RP1: variants seen among roughly 807,000 people sequenced by gnomAD.
The protein encoded by RP1 is RP1 axonemal microtubule associated.
In RP1, 16 loss-of-function variants were observed where a neutral mutation model predicts 14.8. That is an observed-to-expected ratio of 1.08 (90% CI 0.73 to 1.65). The LOEUF (loss-of-function observed/expected upper bound fraction) is 1.65, where lower values mean the gene tolerates loss of function less well. Among genes scored for constraint, RP1 ranks in the 40% most tolerant of loss-of-function variants. The pLI is 0.00. For missense variants in RP1, 2,631 were observed against 2,535.0 expected, an observed-to-expected ratio of 1.04 and a Z score of -0.81; for synonymous variants, 876 against 883.6, an observed-to-expected ratio of 0.99 and a Z score of 0.15.
At chr8:54,870,238 C>G (rs1585763231) in exon 29 of RP1, 1 of 271,754 alleles carries the variant, frequency 3.7e-6, no homozygotes, top group African/African-American at 2.2e-5. Flanking sequence ...CTTCCCCTCC[C>G]TCCTCTCCCT....
intron 28 of RP1, chr8:54,869,840 C>A: frequency 1.7e-6 from 2 of 1,211,436 alleles, no homozygotes; most frequent in Non-Finnish European, 2.1e-6. Context: ...TTTTGCATGG[C>A]AGATGGCTAG....
intron 12 of RP1, among the ~76,000 whole-genome samples, chr8:54,692,985 A>G (rs982625845): frequency 6.6e-6 from 1 of 152,014 alleles, no homozygotes; most frequent in Non-Finnish European, 1.5e-5. Flanking sequence ...ATCTTGAATT[A>G]ATTTTTGTAT....
intron 12 of RP1, among the ~76,000 whole-genome samples, chr8:54,698,088 A>G (rs1448920947): frequency 6.6e-6 from 1 of 152,236 alleles, no homozygotes; most frequent in Non-Finnish European, 1.5e-5. Context: ...AGAAACTATC[A>G]TCAGAGTGAA....
chr8:54,734,628 A>G, exon 18 of RP1: 1 of 1,535,754 alleles, frequency 6.5e-7, no homozygotes. Flanking sequence ...AAATACAGGA[A>G]CTCAAGCCAA....
chr8:54,844,497 T>C (rs189935719), intron 25 of RP1, among the ~76,000 whole-genome samples: 3 of 151,742 alleles, frequency 2.0e-5, no homozygotes, highest in Non-Finnish European at 2.9e-5. Context: ...TGTGTAGACA[T>C]GCTTGTCTCT....
intron 15 of RP1, among the ~76,000 whole-genome samples, chr8:54,712,139 T>C (rs1237748011): frequency 6.6e-6 from 1 of 152,088 alleles, no homozygotes; most frequent in African/African-American, 2.4e-5. Flanking sequence ...GAGGTGACCT[T>C]TCCAGGTTTT....
chr8:54,575,601 C>T (rs1804623774), intron 1 of RP1, among the ~76,000 whole-genome samples: 1 of 152,104 alleles, frequency 6.6e-6, no homozygotes, highest in Non-Finnish European at 1.5e-5. Flanking sequence ...ATCGTCACCT[C>T]GTTTGCTATC....
chr8:54,737,443 A>G (rs1808960620), intron 18 of RP1, among the ~76,000 whole-genome samples: 2 of 152,186 alleles, frequency 1.3e-5, no homozygotes, highest in South Asian at 4.1e-4. Flanking sequence ...TTAAGTGCTA[A>G]TAGATTCTTG....
intron 25 of RP1, among the ~76,000 whole-genome samples, chr8:54,848,826 G>A (rs1811990613): frequency 6.6e-6 from 1 of 152,116 alleles, no homozygotes; most frequent in South Asian, 2.1e-4. Flanking sequence ...TCGGCTCACT[G>A]CAACCTCCAC....
At chr8:54,611,861 TTCCC>T (rs545025613), upstream of RP1, among the ~76,000 whole-genome samples, 97 of 150,842 alleles carry the variant, frequency 6.4e-4, no homozygotes, top group Middle Eastern at 3.4e-3. Flanking sequence ...GTTGTTTTCT[TTCCC>T]TCCCTCCCTC....
intron 1 of RP1, among the ~76,000 whole-genome samples, chr8:54,584,451 G>A (rs900166856): frequency 1.2e-4 from 19 of 152,198 alleles, no homozygotes; most frequent in African/African-American, 4.6e-4. Flanking sequence ...TAGGTGTGGT[G>A]TGGTGCTGAA....
intron 24 of RP1, among the ~76,000 whole-genome samples, chr8:54,793,667 G>A (rs1026904664): frequency 9.9e-5 from 15 of 151,810 alleles, no homozygotes; most frequent in Non-Finnish European, 1.9e-4. Flanking sequence ...TAATATAGAA[G>A]GAATGTATCC....
chr8:54,707,657 C>A (rs988078087), intron 15 of RP1, among the ~76,000 whole-genome samples: 3 of 152,160 alleles, frequency 2.0e-5, no homozygotes, highest in African/African-American at 7.2e-5. Context: ...TGATGTCTAG[C>A]TATAAGGAAG....
At chr8:54,650,417 C>A (rs553199616) in intron 4 of RP1, among the ~76,000 whole-genome samples, 14 of 152,088 alleles carry the variant, frequency 9.2e-5, no homozygotes, top group African/African-American at 3.4e-4. Flanking sequence ...TAGACCTTTT[C>A]TTTTCTTTTT....
intron 24 of RP1, among the ~76,000 whole-genome samples, chr8:54,802,658 A>G (rs942319599): frequency 6.6e-6 from 1 of 152,212 alleles, no homozygotes; most frequent in Non-Finnish European, 1.5e-5. Context: ...TATTTCTATG[A>G]TACACACAAT....
At position 54,853,145 on chromosome 8, in the gene RP1, T is replaced by C. The variant is rs150978060; in HGVS notation, c.3990+417T>C. 5.5e-3 allele frequency among the ~76,000 whole-genome samples: 844 copies of C among 152,214 alleles called. 7 individuals are homozygous for C. The highest frequency in any genetic ancestry group is 0.019 in the African/African-American group (788 of 41,536). ...CTTTCCACCATTTGTAAGGGGAAGC[T>C]TGGAATCAAGAAGCCAGTCAGAAAG... On this transcript the variant is annotated intron_variant, in intron 26 of 28. Coordinates refer to the RP1 transcript ENST00000637698.
chr8:54,828,797 G>A (rs1000452793), intron 24 of RP1, among the ~76,000 whole-genome samples: 3 of 151,594 alleles, frequency 2.0e-5, no homozygotes, highest in Non-Finnish European at 2.9e-5. Flanking sequence ...ACATTATGAC[G>A]GCTACGATGT....
chr8:54,851,361 C>G (rs1477359055), intron 25 of RP1, among the ~76,000 whole-genome samples: 1 of 152,154 alleles, frequency 6.6e-6, no homozygotes, highest in South Asian at 2.1e-4. Context: ...ATTTTAAGGT[C>G]TCCCTTTAAA....
chr8:54,814,513 T>C (rs1374238344), intron 24 of RP1, among the ~76,000 whole-genome samples: 1 of 152,174 alleles, frequency 6.6e-6, no homozygotes, highest in African/African-American at 2.4e-5. Flanking sequence ...ATCTGATGTT[T>C]TCTTAGAGTT....
Sources: gnomAD v4.1 joint callset for allele counts (sites outside exome capture counted in the v4.1 genomes callset) on GRCh38, gnomAD v4.1.1 for gene constraint, MANE v1.5 for transcripts, NCBI Gene and HGNC (gene_info 2026-07-23, HGNC 2026-07-21) for gene names.